PLOD3: variants seen among roughly 807,000 people sequenced by gnomAD.
PLOD3 encodes the protein procollagen-lysine,2-oxoglutarate 5-dioxygenase 3.
PLOD3 carries 73 observed loss-of-function variants against 96.9 expected under a neutral mutation model. The ratio of observed to expected loss-of-function variants is 0.75; its 90% CI spans 0.62 to 0.92. PLOD3 has a LOEUF of 0.92. Ranked by LOEUF, PLOD3 falls within the 40% of genes least tolerant of loss-of-function variation. The pLI is 0.00. For synonymous variants in PLOD3, 454 were observed against 413.7 expected (o/e 1.10, Z -1.18); for missense variants, 1,004 against 1,004.3 (o/e 1.00, Z 0.00).
intron 4 of PLOD3, 36 bp downstream of exon 4, chr7:101,216,127 T>G (rs1383918911): frequency 6.2e-7 from 1 of 1,613,546 alleles, no homozygotes; most frequent in African/African-American, 1.3e-5. Flanking sequence ...GTCCCACCGC[T>G]CTTGGCCCCT....
At chr7:101,210,999 G>A in intron 12 of PLOD3, 1 of 335,880 alleles carries the variant, frequency 3.0e-6, no homozygotes, top group Non-Finnish European at 5.7e-6. Flanking sequence ...TCCCACCTTA[G>A]CCTCCCAAAT....
In PLOD3 at chr7:101,217,458, G is replaced by C. The variant is rs1798297984; in HGVS notation, c.-184C>G. The C allele has an allele frequency of 3.7e-6, 2 of 541,698 alleles. No individual in the cohort carries two copies. Among genetic ancestry groups the C allele is most frequent in the Admixed American group, 3.9e-5 (1 of 25,790 alleles). 33.6% of individuals were successfully genotyped at this position (541,698 alleles called of 1,614,324 possible). On this transcript the variant is annotated 5_prime_UTR_variant, in exon 1 of 19. It adds an upstream start codon to the 5' untranslated region. Transcript: ENST00000223127. ...TATCCGGAGGCTACAGAAAGCTCCA[G>C]ATGCCGGCGCCACAGACAAGGCGAG...
At chr7:101,210,292 G>A (rs766664491) in intron 14 of PLOD3, 39 bp downstream of exon 14, 16 of 1,553,790 alleles carry the variant, frequency 1.0e-5, no homozygotes, top group African/African-American at 2.7e-5. Context: ...AGCACAAGGC[G>A]GGGAACCTGT....
chr7:101,216,401 C>A lies in PLOD3; in HGVS notation c.338+9G>T. 4 of 1,614,108 alleles carry A rather than the reference C, an allele frequency of 2.5e-6. No individual in the cohort carries two copies. Among genetic ancestry groups the A allele is most frequent in the Non-Finnish European group, 3.4e-6 (4 of 1,180,006 alleles). ...TCCTTACCCCGCTCCCTATCCCCAG[C>A]CCCGTTACCTATCCACAAACATGAT... On this transcript the variant is annotated intron_variant, in intron 3 of 18. Coordinates refer to ENST00000223127, the MANE Select transcript of PLOD3 (RefSeq NM_001084.5).
At chr7:101,211,322 G>A (rs1279812480) in intron 12 of PLOD3, 9 of 417,280 alleles carry the variant, frequency 2.2e-5, no homozygotes, top group South Asian at 6.3e-5. Flanking sequence ...TGGGACCACA[G>A]GCACGCACCA....
At chr7:101,210,797 C>G in intron 12 of PLOD3, 124 bp from the exon 13 acceptor site, 2 of 1,076,314 alleles carry the variant, frequency 1.9e-6, no homozygotes, top group Non-Finnish European at 2.7e-6. Context: ...CTGCATGTCC[C>G]TTGTCAAGCA....
At position 101,206,430 on chromosome 7, in the gene PLOD3, C is replaced by T; in HGVS notation, c.2068G>A (p.Gly690Ser). ...NHKGLDYEGGGCRFLRYDCVI... is the reference protein window; with the variant it reads ...NHKGLDYEGGSCRFLRYDCVI... ...CAGTCGTAGCGCAGGAAGCGGCAGC[C>T]ACCTCCCTGGAAAGAGAAGGGAAAG... The change falls in exon 19 of 19, where the codon GGC (glycine) becomes AGC (serine). Residue 690 changes from glycine (G) to serine (S), a missense_variant. Around this residue, in one of 5 missense-constraint regions of PLOD3, gnomAD observed 222 missense variants for 220.4 expected, o/e 1.01. Coordinates refer to ENST00000223127, the MANE Select transcript of PLOD3 (RefSeq NM_001084.5). 1 of 1,603,558 alleles carries T rather than the reference C, an allele frequency of 6.2e-7. No individual in the cohort carries two copies. The highest frequency in any genetic ancestry group is 8.5e-7 in the Non-Finnish European group (1 of 1,175,466).
intron 6 of PLOD3, chr7:101,213,519 T>TA (rs1452546243): frequency 2.3e-3 from 725 of 312,342 alleles, no homozygotes; most frequent in South Asian, 4.8e-3. Context: ...TTTTTTTTTT[T>TA]TTATTTTTAT....
chr7:101,215,084 C>T lies in PLOD3; in HGVS notation c.679+5G>A, dbSNP rs1746715092. ...TCGCCCACCTGCGGCTGTCTTCCTC[C>T]TCACCTAAAGCCCCGTTGAGGTTCT... On this transcript the variant is annotated splice_donor_5th_base_variant and intron_variant, in intron 6 of 18. Coordinates refer to ENST00000223127, the MANE Select transcript of PLOD3 (RefSeq NM_001084.5). 1 of 1,609,508 alleles carries T rather than the reference C, an allele frequency of 6.2e-7. No homozygotes were observed. The highest frequency in any genetic ancestry group is 1.1e-5 in the South Asian group (1 of 91,012).
chr7:101,209,688 G>C (rs1215565699), intron 15 of PLOD3: 1 of 176,340 alleles, frequency 5.7e-6, no homozygotes, highest in Non-Finnish European at 1.2e-5. Context: ...ACCACTCCTG[G>C]CCTCATTTCT....
Position 101,211,644 on chromosome 7 carries a change from A to G in PLOD3, c.1305T>C (p.Asp435=), listed in dbSNP as rs371224746. 7 of 1,607,252 alleles carry G rather than the reference A, an allele frequency of 4.4e-6. No individual in the cohort carries two copies. The highest frequency in any genetic ancestry group is 5.9e-6 in the Non-Finnish European group (7 of 1,177,586). ...WSNFWGALSP[D]EYYARSEDYV... ...AGTCCTCGGAGCGGGCGTAGTACTC[A>G]TCGGGGCTCAGGGCGCCCCAGAAGT... Residue 435 remains aspartate (D), a synonymous_variant, in exon 12 of 19, where the codon GAT becomes GAC. Transcript: ENST00000223127.
At position 101,210,529 on chromosome 7, in the gene PLOD3, C is replaced by A. The variant is rs761137308; in HGVS notation, c.1500+3G>T. The A allele has an allele frequency of 3.1e-6, 5 of 1,614,200 alleles. No homozygotes were observed. The highest frequency in any genetic ancestry group is 4.2e-6 in the Non-Finnish European group (5 of 1,180,028). Reference sequence around the variant, plus strand: ...CCAGGCCAGACCGTGCACCCGCGCTCACCTTGTCTCGAAAGCTCTTACAGA... The same window carrying A: ...CCAGGCCAGACCGTGCACCCGCGCTAACCTTGTCTCGAAAGCTCTTACAGA... On this transcript the variant is annotated splice_donor_region_variant and intron_variant, in intron 13 of 18. Transcript: ENST00000223127.
intron 14 of PLOD3, 85 bp from the exon 15 acceptor site, chr7:101,210,246 G>T: frequency 6.7e-7 from 1 of 1,484,846 alleles, no homozygotes; most frequent in Non-Finnish European, 9.3e-7. Flanking sequence ...TCAGTGTCCT[G>T]CGCTGGCAGC....
intron 10 of PLOD3, 147 bp downstream of exon 10, chr7:101,212,106 A>G (rs1798192930): frequency 8.6e-7 from 1 of 1,164,270 alleles, no homozygotes; most frequent in African/African-American, 1.5e-5. Flanking sequence ...GGCAGGAGTG[A>G]CAGCATGGGG....
chr7:101,208,862 G>A lies in PLOD3; in HGVS notation c.1779C>T (p.Gly593=), dbSNP rs775700406. The A allele has an allele frequency of 4.3e-6, 7 of 1,610,918 alleles. No individual in the cohort carries two copies. The highest frequency in any genetic ancestry group is 5.9e-6 in the Non-Finnish European group (7 of 1,177,342). The part of the protein sequence containing the change: ...EMEHYGQWSG[G]RHEDSRLAGG... ...TCGCCCAGGCCCTTACCTCATGCCGGCCGCCTGACCACTGGCCGTAGTGCT... is the reference window on the plus strand; with the variant it reads ...TCGCCCAGGCCCTTACCTCATGCCGACCGCCTGACCACTGGCCGTAGTGCT... Residue 593 remains glycine (G), a synonymous_variant, in exon 16 of 19, where the codon GGC becomes GGT. Coordinates refer to ENST00000223127, the MANE Select transcript of PLOD3 (RefSeq NM_001084.5).
chr7:101,212,014 C>T (rs1584253241), intron 10 of PLOD3, 64 bp from the exon 11 acceptor site: 2 of 1,161,594 alleles, frequency 1.7e-6, no homozygotes. Context: ...GGGTAACTGG[C>T]CCATGCCCCC....
At position 101,213,143 on chromosome 7, in the gene PLOD3, C is replaced by A; in HGVS notation, c.741G>T (p.Thr247=). ...CGTTTCCATGGACCACAATGGGGAG[C>A]GTGTCGTAGGCCACGTTCCGGATAC... The part of the protein sequence containing the change: ...RVRIRNVAYD[T]LPIVVHGNGP... The change falls in exon 7 of 19, where the codon ACG becomes ACT. Residue 247 remains threonine (T), a synonymous_variant. Transcript: ENST00000223127. 6.2e-7 allele frequency: 1 copy of A among 1,613,428 alleles called. No individual in the cohort carries two copies. Among genetic ancestry groups the A allele is most frequent in the Non-Finnish European group, 8.5e-7 (1 of 1,179,454 alleles).
chr7:101,215,881 A>G (rs200036087), intron 5 of PLOD3, 27 bp downstream of exon 5: 38 of 1,457,780 alleles, frequency 2.6e-5, no homozygotes, highest in Non-Finnish European at 3.5e-5. Context: ...GAGCTGCGGG[A>G]TGCGCCCACT....
rs1207090212 is a variant in PLOD3, at chr7:101,213,143, C to T, written c.741G>A (p.Thr247=). The change falls in exon 7 of 19, where the codon ACG becomes ACA. Residue 247 remains threonine, a synonymous_variant. Coordinates refer to ENST00000223127, the MANE Select transcript of PLOD3 (RefSeq NM_001084.5). ...RVRIRNVAYD[T]LPIVVHGNGP... ...CGTTTCCATGGACCACAATGGGGAG[C>T]GTGTCGTAGGCCACGTTCCGGATAC... 6 of 1,613,422 alleles carry T rather than the reference C, an allele frequency of 3.7e-6. No individual in the cohort carries two copies. The highest frequency in any genetic ancestry group is 5.1e-6 in the Non-Finnish European group (6 of 1,179,448).
Sources: gnomAD v4.1 joint callset for allele counts on GRCh38, gnomAD v4.1.1 for gene constraint, gnomAD v4.1.1 regional missense constraint, MANE v1.5 for transcripts, NCBI Gene and HGNC (gene_info 2026-07-23, HGNC 2026-07-21) for gene names.